Variants in SHROOM2 observed in about 807,000 individuals in gnomAD.
The protein encoded by SHROOM2 is shroom family member 2.
SHROOM2 carries 33 observed loss-of-function variants against 75.9 expected under a neutral mutation model. The ratio of observed to expected loss-of-function variants is 0.43; its 90% CI spans 0.33 to 0.58. The LOEUF is 0.58. Among genes scored for constraint, SHROOM2 ranks in the 20% least tolerant of loss-of-function variants. The probability of loss-of-function intolerance (pLI) is 0.04; values close to 1 mark genes in which losing one functional copy is unlikely to be tolerated. For missense variants in SHROOM2, 1,434 were observed against 1,461.2 expected, an observed-to-expected ratio of 0.98 and a Z score of 0.30; for synonymous variants, 655 against 663.6, an observed-to-expected ratio of 0.99 and a Z score of 0.20.
chrX:9,908,595 C>T (rs2084403844), intron 5 of SHROOM2, among the ~76,000 whole-genome samples: 1 of 111,495 alleles, frequency 9.0e-6, no homozygotes, highest in Non-Finnish European at 1.9e-5. Context: ...TGGAAAGCCA[C>T]ATTATAAACT....
intron 1 of SHROOM2, among the ~76,000 whole-genome samples, chrX:9,787,857 C>T (rs1413085536): frequency 8.9e-6 from 1 of 111,861 alleles, no homozygotes; most frequent in Non-Finnish European, 1.9e-5. Flanking sequence ...ATAAATTTGA[C>T]CAATGTGTAA....
chrX:9,933,566 G>C (rs981252289), intron 6 of SHROOM2, among the ~76,000 whole-genome samples: 1 of 111,682 alleles, frequency 9.0e-6, no homozygotes, highest in Non-Finnish European at 1.9e-5. Context: ...AGCTGAAGGA[G>C]TTCGAGGCTA....
At chrX:9,792,189 TATTCTGG>T (rs1221081094) in intron 1 of SHROOM2, among the ~76,000 whole-genome samples, 7 of 109,599 alleles carry the variant, frequency 6.4e-5, no homozygotes, top group Non-Finnish European at 1.1e-4. Context: ...AGGGAGGGTG[TATTCTGG>T]AGGAATTGTT....
chrX:9,847,229 G>T (rs915359395), intron 1 of SHROOM2, among the ~76,000 whole-genome samples: 3 of 112,139 alleles, frequency 2.7e-5, no homozygotes, highest in Non-Finnish European at 5.6e-5. Flanking sequence ...AAACTCTATT[G>T]GCCTTTTATT....
chrX:9,918,961 T>C (rs1178150127), intron 5 of SHROOM2, among the ~76,000 whole-genome samples: 1 of 112,119 alleles, frequency 8.9e-6, no homozygotes, highest in African/African-American at 3.2e-5. Context: ...TGTGAATGGC[T>C]GAGGAGCATG....
chrX:9,923,601 C>CCCT (rs1232901449), intron 5 of SHROOM2, among the ~76,000 whole-genome samples: 7 of 111,921 alleles, frequency 6.3e-5, no homozygotes, highest in Non-Finnish European at 1.9e-5. Flanking sequence ...CCAGGCCTGG[C>CCCT]CCTCATCAAG....
chrX:9,858,992 T>TCAC (rs201517319), intron 1 of SHROOM2, among the ~76,000 whole-genome samples: 2,630 of 111,402 alleles, frequency 0.024, 80 homozygotes, highest in African/African-American at 0.067. Flanking sequence ...GGTGGGTGGA[T>TCAC]CACCTGAGGT....
intron 1 of SHROOM2, among the ~76,000 whole-genome samples, chrX:9,799,157 CTTTTTTT>C (rs58508176): frequency 1.1e-4 from 7 of 61,380 alleles, no homozygotes; most frequent in African/African-American, 4.4e-4. Flanking sequence ...GAGTTTAATT[CTTTTTTT>C]TTTTTTTTTT....
intron 5 of SHROOM2, among the ~76,000 whole-genome samples, chrX:9,907,977 G>A (rs1445294746): frequency 1.8e-5 from 2 of 112,680 alleles, no homozygotes; most frequent in African/African-American, 6.4e-5. Flanking sequence ...AGGGGTGTAA[G>A]GGATGGTCTT....
chrX:9,797,195 C>T (rs190310233), intron 1 of SHROOM2, among the ~76,000 whole-genome samples: 38 of 112,129 alleles, frequency 3.4e-4, no homozygotes, highest in Admixed American at 1.0e-3. Context: ...GGCCTCCTGA[C>T]GCTTCTACCC....
intron 5 of SHROOM2, among the ~76,000 whole-genome samples, chrX:9,922,052 CTTTG>C (rs1390711647): frequency 5.4e-5 from 6 of 111,210 alleles, no homozygotes; most frequent in Non-Finnish European, 1.1e-4. Flanking sequence ...GTTGGGACTT[CTTTG>C]TTTGTTTGTT....
chrX:9,887,675 C>T (rs778946507), intron 2 of SHROOM2, among the ~76,000 whole-genome samples: 1 of 112,143 alleles, frequency 8.9e-6, no homozygotes, highest in Non-Finnish European at 1.9e-5. Context: ...TGTGTTAGGG[C>T]TGGCTATTTC....
At chrX:9,827,647 C>G (rs1421328872) in intron 1 of SHROOM2, among the ~76,000 whole-genome samples, 3 of 108,900 alleles carry the variant, frequency 2.8e-5, no homozygotes, top group Non-Finnish European at 3.8e-5. Flanking sequence ...GAGGGATTTT[C>G]AAGCAGAAGG....
chrX:9,860,875 T>TA (rs1306787872), intron 1 of SHROOM2, among the ~76,000 whole-genome samples: 3 of 112,208 alleles, frequency 2.7e-5, no homozygotes, highest in Non-Finnish European at 1.9e-5. Context: ...GAAATCCTGT[T>TA]ACCTGTAACC....
intron 1 of SHROOM2, among the ~76,000 whole-genome samples, chrX:9,834,426 C>A (rs2083933121): frequency 8.9e-6 from 1 of 112,029 alleles, no homozygotes. Context: ...AGAACCGAGC[C>A]GGCAAGACAG....
intron 1 of SHROOM2, among the ~76,000 whole-genome samples, chrX:9,848,969 T>C (rs1221938522): frequency 9.0e-6 from 1 of 111,570 alleles, no homozygotes; most frequent in African/African-American, 3.3e-5. Flanking sequence ...CAGGTAAACA[T>C]TCCCACCCCA....
intron 5 of SHROOM2, among the ~76,000 whole-genome samples, chrX:9,931,725 C>T (rs1276555028): frequency 9.0e-6 from 1 of 111,701 alleles, no homozygotes; most frequent in Non-Finnish European, 1.9e-5. Context: ...ATTTGCAGCT[C>T]ATCTTAGAAA....
intron 5 of SHROOM2, among the ~76,000 whole-genome samples, chrX:9,899,271 A>T (rs746193989): frequency 9.1e-6 from 1 of 110,493 alleles, no homozygotes; most frequent in African/African-American, 3.3e-5. Context: ...CAAAAAAAAA[A>T]AAATAGTATA....
intron 5 of SHROOM2, among the ~76,000 whole-genome samples, chrX:9,930,243 G>A (rs929374043): frequency 9.9e-5 from 11 of 111,648 alleles, no homozygotes; most frequent in East Asian, 5.6e-4. Context: ...GAGGCTGGGC[G>A]CAGTGACTCA....
Sources: gnomAD v4.1 joint callset for allele counts (sites outside exome capture counted in the v4.1 genomes callset) on GRCh38, gnomAD v4.1.1 for gene constraint, MANE v1.5 for transcripts, NCBI Gene and HGNC (gene_info 2026-07-23, HGNC 2026-07-21) for gene names.